Variants in RPH3A observed in about 807,000 individuals in gnomAD.
The protein encoded by RPH3A is rabphilin-3A.
A neutral mutation model predicts 102.2 loss-of-function variants in RPH3A; 48 were observed. The observed-to-expected ratio is 0.47, with a 90% CI of 0.37 to 0.60. The LOEUF is 0.60. Ranked by LOEUF, RPH3A falls within the 20% of genes least tolerant of loss-of-function variation. RPH3A has a pLI of 0.00. For synonymous variants in RPH3A, 310 were observed against 324.3 expected, an observed-to-expected ratio of 0.96 and a Z score of 0.47; for missense variants, 781 against 910.1, an observed-to-expected ratio of 0.86 and a Z score of 1.83.
intron 1 of RPH3A, among the ~76,000 whole-genome samples, chr12:112,658,545 CA>C (rs2040028949): frequency 6.6e-6 from 1 of 152,162 alleles, no homozygotes; most frequent in Admixed American, 6.6e-5. Context: ...GCATTAAGGA[CA>C]AAGGCAGGGA....
intron 1 of RPH3A, among the ~76,000 whole-genome samples, chr12:112,673,560 A>T (rs1333446966): frequency 3.3e-5 from 5 of 151,976 alleles, no homozygotes; most frequent in Non-Finnish European, 5.9e-5. Context: ...ATCCGTGGGT[A>T]CATAGTAGGT....
intron 1 of RPH3A, among the ~76,000 whole-genome samples, chr12:112,706,797 CT>C (rs1354709076): frequency 6.6e-6 from 1 of 152,154 alleles, no homozygotes; most frequent in African/African-American, 2.4e-5. Context: ...GGTTTGGAGT[CT>C]GGAAGATGTC....
At chr12:112,830,919 T>C (rs2041960450) in intron 3 of RPH3A, among the ~76,000 whole-genome samples, 1 of 152,114 alleles carries the variant, frequency 6.6e-6, no homozygotes, top group African/African-American at 2.4e-5. Flanking sequence ...TGGTAATCTT[T>C]GTCTTTTAGG....
intron 1 of RPH3A, among the ~76,000 whole-genome samples, chr12:112,704,560 G>T (rs78451961): frequency 0.16 from 24,931 of 151,946 alleles, 2,351 homozygotes; most frequent in Admixed American, 0.24. Context: ...CTTCTCCCTG[G>T]ACCCATATAT....
intron 2 of RPH3A, among the ~76,000 whole-genome samples, chr12:112,818,512 A>G (rs573437042): frequency 3.3e-4 from 50 of 152,234 alleles, no homozygotes; most frequent in Admixed American, 9.2e-4. Flanking sequence ...AATAGCAGCT[A>G]TAGAATTCTG....
chr12:112,869,962 G>A lies in RPH3A; in HGVS notation c.719G>A (p.Arg240Gln), dbSNP rs772596187. Residue 240 changes from arginine (R) to glutamine (Q), a missense_variant, in exon 10 of 22, where the codon CGA becomes CAA. Transcript: ENST00000389385. Reference protein sequence around the residue: ...GPPVRRASEARMSSSSRDSES... With the variant: ...GPPVRRASEAQMSSSSRDSES... Reference sequence around the variant, plus strand: ...CCCGTGCGCAGGGCCTCCGAGGCACGAATGAGCTCATCTAGCCGAGATTCA... The same window carrying A: ...CCCGTGCGCAGGGCCTCCGAGGCACAAATGAGCTCATCTAGCCGAGATTCA... 17 of 1,614,146 alleles carry A rather than the reference G, an allele frequency of 1.1e-5. No homozygotes were observed. Among genetic ancestry groups the A allele is most frequent in the Non-Finnish European group, 1.4e-5 (17 of 1,180,020 alleles).
At chr12:112,764,141 G>T (rs2040872485) in intron 1 of RPH3A, among the ~76,000 whole-genome samples, 1 of 152,246 alleles carries the variant, frequency 6.6e-6, no homozygotes, top group East Asian at 1.9e-4. Flanking sequence ...AAAAATCACT[G>T]GCATGAGGCA....
chr12:112,594,837 T>G (rs986736771), intron 1 of RPH3A, among the ~76,000 whole-genome samples: 1 of 152,248 alleles, frequency 6.6e-6, no homozygotes, highest in African/African-American at 2.4e-5. Context: ...TATTGATTAA[T>G]TAATTCACCA....
At chr12:112,845,444 C>CT (rs1032922972) in intron 4 of RPH3A, among the ~76,000 whole-genome samples, 4 of 152,224 alleles carry the variant, frequency 2.6e-5, no homozygotes, top group Non-Finnish European at 5.9e-5. Flanking sequence ...CTTCTGCAAA[C>CT]TTTCCTGATA....
intron 4 of RPH3A, among the ~76,000 whole-genome samples, chr12:112,845,411 A>G (rs2042213401): frequency 1.3e-5 from 2 of 152,182 alleles, no homozygotes; most frequent in South Asian, 4.1e-4. Context: ...CCTCTTCAAG[A>G]TCAAAAAGAC....
chr12:112,774,941 T>G (rs1859194), intron 1 of RPH3A, among the ~76,000 whole-genome samples: 11,640 of 151,878 alleles, frequency 0.077, 539 homozygotes, highest in Admixed American at 0.14. Flanking sequence ...CTGCCCAGCC[T>G]ACACATGTAC....
chr12:112,640,836 T>C (rs778295923), intron 1 of RPH3A, among the ~76,000 whole-genome samples: 1 of 152,144 alleles, frequency 6.6e-6, no homozygotes, highest in African/African-American at 2.4e-5. Flanking sequence ...ACGCTCTAGA[T>C]TTTTCTCTCC....
intron 3 of RPH3A, among the ~76,000 whole-genome samples, chr12:112,835,421 G>A (rs762083663): frequency 2.1e-4 from 32 of 152,282 alleles, no homozygotes; most frequent in South Asian, 1.0e-3. Flanking sequence ...TACTTTAGTC[G>A]ATATGAAGCC....
intron 1 of RPH3A, among the ~76,000 whole-genome samples, chr12:112,685,464 G>A (rs2040256707): frequency 6.6e-6 from 1 of 152,194 alleles, no homozygotes; most frequent in Non-Finnish European, 1.5e-5. Flanking sequence ...TGGGAAGAAA[G>A]GAAGGTGACA....
chr12:112,780,082 G>T (rs1415071883), intron 1 of RPH3A, among the ~76,000 whole-genome samples: 1 of 152,094 alleles, frequency 6.6e-6, no homozygotes, highest in African/African-American at 2.4e-5. Flanking sequence ...AGTGAAAATG[G>T]CAAAATTTTC....
intron 1 of RPH3A, among the ~76,000 whole-genome samples, chr12:112,785,722 A>C (rs1198442398): frequency 6.6e-6 from 1 of 152,156 alleles, no homozygotes; most frequent in African/African-American, 2.4e-5. Flanking sequence ...AGGTTTAGTA[A>C]CTTCCTCAAG....
chr12:112,867,091 CT>C (rs1439818061), intron 7 of RPH3A, among the ~76,000 whole-genome samples: 3 of 152,052 alleles, frequency 2.0e-5, no homozygotes, highest in Non-Finnish European at 4.4e-5. Context: ...CATTTCTCAC[CT>C]TATGGGTCTT....
intron 1 of RPH3A, among the ~76,000 whole-genome samples, chr12:112,646,221 AGGT>A (rs2039929059): frequency 6.6e-6 from 1 of 152,202 alleles, no homozygotes; most frequent in Non-Finnish European, 1.5e-5. Flanking sequence ...TTATTATCAT[AGGT>A]AACAGTGACT....
intron 6 of RPH3A, 114 bp downstream of exon 6, chr12:112,865,657 T>C: frequency 8.5e-7 from 1 of 1,170,842 alleles, no homozygotes; most frequent in Non-Finnish European, 1.2e-6. Flanking sequence ...ATCCTGAAGA[T>C]CACTTGCCAG....
Sources: allele counts gnomAD v4.1 joint callset (sites outside exome capture counted in the v4.1 genomes callset), GRCh38; gene constraint gnomAD v4.1.1; transcripts MANE v1.5; gene names NCBI Gene and HGNC (gene_info 2026-07-23, HGNC 2026-07-21).